NUP88: variants seen among roughly 807,000 people sequenced by gnomAD.
The protein encoded by NUP88 is nuclear pore complex protein Nup88.
In NUP88, 57 loss-of-function variants were observed where a neutral mutation model predicts 93.9. The observed-to-expected ratio is 0.61, with a 90% CI of 0.49 to 0.76. The LOEUF is 0.76. NUP88 is among the 30% of genes least tolerant of loss of function. The probability of loss-of-function intolerance (pLI) is 0.00; values close to 1 mark genes in which losing one functional copy is unlikely to be tolerated. For missense variants in NUP88, 911 were observed against 901.0 expected (o/e 1.01, Z -0.14); for synonymous variants, 346 against 336.8 (o/e 1.03, Z -0.30).
At chr17:5,396,340 T>C (rs1912774341) in intron 8 of NUP88, among the ~76,000 whole-genome samples, 2 of 152,226 alleles carry the variant, frequency 1.3e-5, no homozygotes, top group Non-Finnish European at 2.9e-5. Flanking sequence ...ACTAATCTAC[T>C]TTCTGTCTCT....
chr17:5,413,942 G>A (rs1202236801), intron 3 of NUP88, 67 bp downstream of exon 3: 1 of 1,558,790 alleles, frequency 6.4e-7, no homozygotes, highest in Admixed American at 1.7e-5. Flanking sequence ...ATGTTGAGCT[G>A]TTAATTGGCA....
intron 7 of NUP88, among the ~76,000 whole-genome samples, chr17:5,400,797 G>A (rs566572695): frequency 2.0e-5 from 3 of 152,298 alleles, no homozygotes; most frequent in African/African-American, 7.2e-5. Context: ...GTAGTAAGGT[G>A]TGAAATGAGA....
At chr17:5,391,378 C>T (rs1020320475) in intron 10 of NUP88, 183 bp downstream of exon 10, 1 of 548,532 alleles carries the variant, frequency 1.8e-6, no homozygotes, top group Non-Finnish European at 3.3e-6. Flanking sequence ...GAAACTATAC[C>T]TACAATGAAA....
intron 10 of NUP88, among the ~76,000 whole-genome samples, chr17:5,390,403 T>C (rs1912341233): frequency 6.6e-6 from 1 of 152,136 alleles, no homozygotes; most frequent in South Asian, 2.1e-4. Context: ...TATATTTATT[T>C]TTACATCCAG....
At chr17:5,399,457 C>CT in intron 8 of NUP88, 95 bp downstream of exon 8, 2 of 632,046 alleles carry the variant, frequency 3.2e-6, no homozygotes, top group African/African-American at 3.7e-5. Context: ...CTGATTTTCT[C>CT]TATCATTTTT....
rs145905651 is a variant in NUP88, at chr17:5,386,442, G to A, written c.2163-173C>T. On this transcript the variant is annotated intron_variant, in intron 16 of 16. Coordinates refer to ENST00000573584, the MANE Select transcript of NUP88 (RefSeq NM_002532.6). ...TCACTATTCATTTAAGGTGGCAAAC[G>A]GTGCAAGTACTGGAAATATTTTTGA... 5.3e-5 allele frequency among the ~76,000 whole-genome samples: 8 copies of A among 152,262 alleles called. No individual in the cohort carries two copies. The East Asian group carries it at 7.7e-4, about 15-fold the overall frequency.
intron 9 of NUP88, among the ~76,000 whole-genome samples, chr17:5,392,949 T>C (rs759612995): frequency 6.6e-6 from 1 of 151,180 alleles, no homozygotes; most frequent in Non-Finnish European, 1.5e-5. Context: ...GCTACCACAG[T>C]GGCTAATTTT....
At position 5,419,564 on chromosome 17, in the gene NUP88, C is replaced by A; in HGVS notation, c.87G>T (p.Glu29Asp). Residue 29 changes from glutamate to aspartate, a missense_variant, in exon 1 of 17, where the codon GAG (glutamate) becomes GAT (aspartate). Glu to Asp is a conservative substitution (Grantham distance 45). Transcript: ENST00000573584. The stretch of plus-strand genomic sequence containing the variant: ...CGGTTGGACTCTGGTTTTTCAGTCC[C>A]TCCCGGAGCCGCAAGAACACGACGT... Reference protein sequence around the residue: ...PNHVVFLRLREGLKNQSPTEA... With the variant: ...PNHVVFLRLRDGLKNQSPTEA... 1 of 1,610,862 alleles carries A rather than the reference C, an allele frequency of 6.2e-7. No individual in the cohort carries two copies. The highest frequency in any genetic ancestry group is 8.5e-7 in the Non-Finnish European group (1 of 1,177,660).
intron 7 of NUP88, among the ~76,000 whole-genome samples, chr17:5,400,517 A>AG: frequency 6.6e-6 from 1 of 151,456 alleles, no homozygotes; most frequent in East Asian, 1.9e-4. Flanking sequence ...AAAAAAAAAA[A>AG]CTCAATCCAA....
chr17:5,416,180 TACAC>T (rs1555530301), intron 2 of NUP88, among the ~76,000 whole-genome samples: 2 of 107,336 alleles, frequency 1.9e-5, no homozygotes, highest in African/African-American at 3.6e-5. Context: ...TATATATATA[TACAC>T]ACATACACAC....
At chr17:5,418,443 G>C (rs902102685) in intron 1 of NUP88, among the ~76,000 whole-genome samples, 4 of 151,954 alleles carry the variant, frequency 2.6e-5, no homozygotes, top group Admixed American at 2.0e-4. Flanking sequence ...TAGTAGAGAC[G>C]GGGTTTCACC....
chr17:5,410,031 T>C (rs189833239), intron 4 of NUP88, among the ~76,000 whole-genome samples: 290 of 152,304 alleles, frequency 1.9e-3, no homozygotes, highest in Middle Eastern at 3.4e-3. Flanking sequence ...GGACCCTTTA[T>C]AGGTAAAGAC....
rs1911933917 is a variant in NUP88 at position 5,386,063 on chromosome 17, T to C, written c.*143A>G. On this transcript the variant is annotated 3_prime_UTR_variant, in exon 17 of 17. Coordinates refer to ENST00000573584, the MANE Select transcript of NUP88 (RefSeq NM_002532.6). ...AATAAAAGCATTTACTCAATTATTA[T>C]AAAACAACATATTTAAAAAGATGAA... is the stretch of plus-strand genomic sequence containing the variant. 6.5e-6 allele frequency: 4 copies of C among 613,852 alleles called. No individual in the cohort carries two copies. The highest frequency in any genetic ancestry group is 1.1e-5 in the Non-Finnish European group (4 of 350,458). The allele number at this position is 613,852 out of a possible 1,614,324, so 38.0% of individuals were successfully genotyped here. A position where few individuals can be genotyped will look rare whatever the true frequency, so the allele number is the denominator to read the frequency against.
intron 14 of NUP88, 51 bp downstream of exon 14, chr17:5,387,335 T>TA: frequency 6.7e-7 from 1 of 1,498,386 alleles, no homozygotes; most frequent in Non-Finnish European, 9.3e-7. Context: ...TTTTCTTAAA[T>TA]ATCGTTGTTA....
chr17:5,392,098 TCA>T (rs919748251), intron 9 of NUP88, among the ~76,000 whole-genome samples: 4 of 152,360 alleles, frequency 2.6e-5, no homozygotes, highest in Non-Finnish European at 5.9e-5. Flanking sequence ...TGTATCTCTC[TCA>T]GTCTTCCTTC....
intron 7 of NUP88, 73 bp from the exon 8 acceptor site, chr17:5,399,723 C>T (rs1231557168): frequency 2.2e-5 from 16 of 737,658 alleles, no homozygotes; most frequent in Non-Finnish European, 7.0e-6. Context: ...AATTTGTTGG[C>T]TACTCCACAT....
At chr17:5,414,200 C>T in intron 2 of NUP88, 66 bp from the exon 3 acceptor site, 5 of 1,486,568 alleles carry the variant, frequency 3.4e-6, no homozygotes, top group Non-Finnish European at 3.7e-6. Flanking sequence ...TCTAAAGGAA[C>T]TTCTTTTTTT....
In NUP88 at chr17:5,389,588, G is replaced by A. The variant is rs181661546; in HGVS notation, c.1485-628C>T. Among the ~76,000 whole-genome samples, 12 of 151,970 alleles carry A rather than the reference G, an allele frequency of 7.9e-5. No homozygotes were observed. In the East Asian group the frequency reaches 2.3e-3, roughly 29 times the overall value. On this transcript the variant is annotated intron_variant, in intron 10 of 16. Coordinates refer to ENST00000573584, the MANE Select transcript of NUP88 (RefSeq NM_002532.6). ...AGGTCAGGCGTTCAAGACAAGCCTG[G>A]CCAACGTGGTAAAACTGTCTCTACT...
At chr17:5,396,725 G>C (rs2151638189) in intron 8 of NUP88, among the ~76,000 whole-genome samples, 1 of 152,256 alleles carries the variant, frequency 6.6e-6, no homozygotes, top group East Asian at 1.9e-4. Context: ...TCCAAAGACT[G>C]TACCATTTTA....
Sources: gnomAD v4.1 joint callset for allele counts (sites outside exome capture counted in the v4.1 genomes callset) on GRCh38, gnomAD v4.1.1 for gene constraint, MANE v1.5 for transcripts, NCBI Gene and HGNC (gene_info 2026-07-23, HGNC 2026-07-21) for gene names.